FAF1: variants seen among roughly 807,000 people sequenced by gnomAD.
The protein encoded by FAF1 is FAS-associated factor 1.
In FAF1, 25 loss-of-function variants were observed where a neutral mutation model predicts 92.5. That is an observed-to-expected ratio of 0.27 (90% confidence interval 0.20 to 0.38). FAF1 has a LOEUF of 0.38. Ranked by LOEUF, FAF1 falls within the 10% of genes least tolerant of loss-of-function variation. FAF1 has a pLI of 1.00. For synonymous variants in FAF1, 234 were observed against 273.2 expected (o/e 0.86, Z 1.42); for missense variants, 636 against 793.3 (o/e 0.80, Z 2.38).
At chr1:50,621,061 C>T (rs537277069) in intron 8 of FAF1, among the ~76,000 whole-genome samples, 46 of 152,368 alleles carry the variant, frequency 3.0e-4, no homozygotes, top group African/African-American at 1.1e-3. Context: ...AGTTCTCAGT[C>T]CTCTGATGGT....
chr1:50,517,378 G>T (rs1572801068), intron 15 of FAF1, among the ~76,000 whole-genome samples: 2 of 152,246 alleles, frequency 1.3e-5, no homozygotes, highest in South Asian at 4.1e-4. Context: ...CTAAACTGTA[G>T]AATAATGAAG....
chr1:50,758,529 A>G (rs1660177168), intron 4 of FAF1, among the ~76,000 whole-genome samples: 1 of 152,240 alleles, frequency 6.6e-6, no homozygotes, highest in African/African-American at 2.4e-5. Context: ...TTAAATGTCA[A>G]TTCTCATTTA....
chr1:50,908,609 C>T (rs1644858825), intron 1 of FAF1, among the ~76,000 whole-genome samples: 2 of 152,038 alleles, frequency 1.3e-5, no homozygotes, highest in Admixed American at 1.3e-4. Flanking sequence ...TTGAATTGAT[C>T]CCTTTACCAT....
chr1:50,453,871 G>C (rs1646322615), intron 18 of FAF1, among the ~76,000 whole-genome samples: 1 of 152,196 alleles, frequency 6.6e-6, no homozygotes, highest in Non-Finnish European at 1.5e-5. Context: ...AGGGCTCAGA[G>C]CTGGGGAGGG....
At chr1:50,944,345 A>C (rs1227996899) in intron 1 of FAF1, among the ~76,000 whole-genome samples, 1 of 152,136 alleles carries the variant, frequency 6.6e-6, no homozygotes, top group Non-Finnish European at 1.5e-5. Context: ...TTTATGAGGA[A>C]GGCTTCAAGG....
At chr1:50,553,735 T>C (rs1649420743) in intron 13 of FAF1, among the ~76,000 whole-genome samples, 1 of 151,856 alleles carries the variant, frequency 6.6e-6, no homozygotes, top group South Asian at 2.1e-4. Context: ...GCAGGGAAAA[T>C]AGGAAAAATG....
chr1:50,826,188 A>C lies in FAF1; in HGVS notation c.115-24511T>G, dbSNP rs561866064. On this transcript the variant is annotated intron_variant, in intron 2 of 18. Coordinates refer to ENST00000396153, the MANE Select transcript of FAF1 (RefSeq NM_007051.3). Reference sequence around the variant, plus strand: ...ACGAAAAATTTTAAAAAGAGTAAACAAATACTCTTTCTTGTGTGGAGAAAG... The same window carrying C: ...ACGAAAAATTTTAAAAAGAGTAAACCAATACTCTTTCTTGTGTGGAGAAAG... 1.4e-4 allele frequency among the ~76,000 whole-genome samples: 21 copies of C among 152,308 alleles called. No homozygotes were observed. In the East Asian group the frequency reaches 3.9e-3, roughly 28 times the overall value.
intron 7 of FAF1, among the ~76,000 whole-genome samples, chr1:50,660,148 TCA>T: frequency 1.3e-5 from 2 of 152,312 alleles, no homozygotes; most frequent in South Asian, 4.1e-4. Context: ...TTCTTTTGAT[TCA>T]TTTAAATTTT....
chr1:50,940,085 A>G (rs922810852), intron 1 of FAF1, among the ~76,000 whole-genome samples: 3 of 151,684 alleles, frequency 2.0e-5, no homozygotes, highest in Non-Finnish European at 2.9e-5. Flanking sequence ...TAATTTTTGT[A>G]TTTTTTTGTA....
At chr1:50,611,843 T>A (rs567206525) in intron 8 of FAF1, among the ~76,000 whole-genome samples, 124 of 152,208 alleles carry the variant, frequency 8.1e-4, no homozygotes, top group African/African-American at 3.0e-3. Flanking sequence ...CCTCCCCACA[T>A]ACCCACACAC....
intron 4 of FAF1, among the ~76,000 whole-genome samples, chr1:50,784,842 T>C (rs1410448895): frequency 6.6e-6 from 1 of 152,046 alleles, no homozygotes; most frequent in African/African-American, 2.4e-5. Flanking sequence ...CACCAACTAA[T>C]AGAACAAAAC....
intron 18 of FAF1, among the ~76,000 whole-genome samples, chr1:50,450,136 G>A (rs886200123): frequency 1.3e-5 from 2 of 150,182 alleles, no homozygotes; most frequent in Non-Finnish European, 3.0e-5. Context: ...AGAGATTGCA[G>A]TGAACCACAG....
At chr1:50,723,188 T>C (rs1230340442) in intron 6 of FAF1, among the ~76,000 whole-genome samples, 1 of 151,820 alleles carries the variant, frequency 6.6e-6, no homozygotes, top group Non-Finnish European at 1.5e-5. Flanking sequence ...ACCACCTGAG[T>C]TCAGAAGTTT....
intron 9 of FAF1, among the ~76,000 whole-genome samples, chr1:50,595,530 A>G (rs1651757607): frequency 6.6e-6 from 1 of 152,082 alleles, no homozygotes; most frequent in Non-Finnish European, 1.5e-5. Context: ...TACACAGTCA[A>G]TAGCAAAAAA....
At chr1:50,795,344 G>A (rs1661710974) in intron 3 of FAF1, among the ~76,000 whole-genome samples, 1 of 152,168 alleles carries the variant, frequency 6.6e-6, no homozygotes, top group African/African-American at 2.4e-5. Flanking sequence ...CATCTGTCAG[G>A]ACCACCATTC....
At chr1:50,933,844 C>T (rs936268016) in intron 1 of FAF1, among the ~76,000 whole-genome samples, 5 of 152,124 alleles carry the variant, frequency 3.3e-5, no homozygotes, top group Admixed American at 6.5e-5. Context: ...ATGGCAACGG[C>T]AAGAGAAAAA....
intron 8 of FAF1, among the ~76,000 whole-genome samples, chr1:50,652,892 T>C (rs1293614776): frequency 6.6e-6 from 1 of 152,234 alleles, no homozygotes; most frequent in African/African-American, 2.4e-5. Flanking sequence ...ATGAGCCAGG[T>C]ACTGTATTTA....
intron 7 of FAF1, among the ~76,000 whole-genome samples, chr1:50,676,366 C>T (rs1656119283): frequency 6.7e-6 from 1 of 150,342 alleles, no homozygotes; most frequent in African/African-American, 2.5e-5. Context: ...AAGATCACGC[C>T]ATTGCACTCC....
chr1:50,576,233 A>G (rs948371721), intron 12 of FAF1, among the ~76,000 whole-genome samples: 12 of 152,340 alleles, frequency 7.9e-5, no homozygotes, highest in Admixed American at 6.5e-4. Context: ...TCTATAAAGT[A>G]AATACTATCA....
Sources: gnomAD v4.1 joint callset for allele counts (sites outside exome capture counted in the v4.1 genomes callset) on GRCh38, gnomAD v4.1.1 for gene constraint, MANE v1.5 for transcripts, NCBI Gene and HGNC (gene_info 2026-07-23, HGNC 2026-07-21) for gene names.